Variants in LINGO2 observed in about 807,000 individuals in gnomAD.
LINGO2 encodes leucine-rich repeat and immunoglobulin-like domain-containing nogo receptor-interacting protein 2.
A neutral mutation model predicts 30.6 loss-of-function variants in LINGO2; 14 were observed. The observed-to-expected ratio is 0.46, with a 90% CI of 0.30 to 0.72. The LOEUF (loss-of-function observed/expected upper bound fraction) is 0.72, where lower values mean the gene tolerates loss of function less well. Ranked by LOEUF, LINGO2 falls within the 30% of genes least tolerant of loss-of-function variation. LINGO2 has a pLI of 0.07. For synonymous variants in LINGO2, 317 were observed against 288.5 expected (o/e 1.10, Z -1.00); for missense variants, 729 against 751.7 (o/e 0.97, Z 0.35).
intron 4 of LINGO2, among the ~76,000 whole-genome samples, chr9:28,237,930 G>A (rs10968404): frequency 0.19 from 29,299 of 151,920 alleles, 3,181 homozygotes; most frequent in East Asian, 0.32. Flanking sequence ...ATAAAGAAAT[G>A]GAAAAGGATA....
chr9:28,586,632 C>T (rs1286146569), intron 1 of LINGO2, among the ~76,000 whole-genome samples: 1 of 151,912 alleles, frequency 6.6e-6, no homozygotes, highest in Non-Finnish European at 1.5e-5. Flanking sequence ...TATATCTGTC[C>T]TTCCAATAGC....
the LINGO2 span, among the ~76,000 whole-genome samples, chr9:28,816,210 G>A: frequency 6.6e-6 from 1 of 152,136 alleles, no homozygotes; most frequent in African/African-American, 2.4e-5. Context: ...TCTTAACACT[G>A]TGGCATTGGA....
chr9:28,242,237 G>A (rs1422809552), intron 4 of LINGO2, among the ~76,000 whole-genome samples: 1 of 152,162 alleles, frequency 6.6e-6, no homozygotes, highest in African/African-American at 2.4e-5. Context: ...CAAAATGTTA[G>A]AGGAGGTGGT....
At chr9:29,091,304 T>C in the LINGO2 span, among the ~76,000 whole-genome samples, 1 of 152,058 alleles carries the variant, frequency 6.6e-6, no homozygotes, top group African/African-American at 2.4e-5. Flanking sequence ...ATGGAAACAC[T>C]GAATCTCCCC....
At chr9:29,057,750 G>A in the LINGO2 span, among the ~76,000 whole-genome samples, 33 of 152,194 alleles carry the variant, frequency 2.2e-4, no homozygotes, top group East Asian at 5.6e-3. Flanking sequence ...GCTTCGGATC[G>A]AAAGCAACTA....
the LINGO2 span, among the ~76,000 whole-genome samples, chr9:28,861,340 T>G: frequency 7.6e-6 from 1 of 132,398 alleles, no homozygotes; most frequent in Admixed American, 9.2e-5. Flanking sequence ...TATATATTAT[T>G]AATATATATA....
intron 2 of LINGO2, among the ~76,000 whole-genome samples, chr9:28,390,585 AAG>A (rs1554715379): frequency 6.6e-6 from 1 of 151,732 alleles, no homozygotes; most frequent in African/African-American, 2.4e-5. Flanking sequence ...AAAAAAAAAA[AAG>A]AGAAAACTTC....
intron 4 of LINGO2, among the ~76,000 whole-genome samples, chr9:28,253,054 C>T (rs1822260190): frequency 6.6e-6 from 1 of 151,560 alleles, no homozygotes; most frequent in Non-Finnish European, 1.5e-5. Flanking sequence ...CAAACCTAAA[C>T]TTCCTCATGT....
chr9:27,946,864 G>T (rs961790690), downstream of LINGO2, among the ~76,000 whole-genome samples: 11 of 152,106 alleles, frequency 7.2e-5, no homozygotes, highest in Admixed American at 2.0e-4. Context: ...TATTAGGGGA[G>T]AAATGGGTTT....
intron 4 of LINGO2, among the ~76,000 whole-genome samples, chr9:28,223,811 C>T (rs1468981736): frequency 1.3e-5 from 2 of 152,082 alleles, no homozygotes; most frequent in Admixed American, 6.5e-5. Context: ...TATGGCCATG[C>T]TTTTTAAAAA....
At chr9:28,981,671 G>A in the LINGO2 span, among the ~76,000 whole-genome samples, 572 of 152,212 alleles carry the variant, frequency 3.8e-3, 5 homozygotes, top group African/African-American at 0.013. Context: ...ACTTTGGAAG[G>A]TGCAAGTTCC....
chr9:28,308,877 G>A (rs1230958342), intron 3 of LINGO2, among the ~76,000 whole-genome samples: 7 of 152,120 alleles, frequency 4.6e-5, no homozygotes, highest in Admixed American at 3.3e-4. Flanking sequence ...CAAAACCACA[G>A]TGAGATACCA....
exon 6 of LINGO2, chr9:27,949,797 A>G: frequency 6.2e-7 from 1 of 1,614,142 alleles, no homozygotes; most frequent in Non-Finnish European, 8.5e-7. Flanking sequence ...GTCAGAGAAC[A>G]TGCCTGCTTC....
At chr9:28,214,466 C>T (rs1320214872) in intron 4 of LINGO2, among the ~76,000 whole-genome samples, 1 of 151,682 alleles carries the variant, frequency 6.6e-6, no homozygotes, top group South Asian at 2.1e-4. Context: ...ATTCCATTAT[C>T]TTTAGAGAAA....
At chr9:28,502,636 G>A (rs1274041002) in intron 1 of LINGO2, among the ~76,000 whole-genome samples, 1 of 152,086 alleles carries the variant, frequency 6.6e-6, no homozygotes, top group Non-Finnish European at 1.5e-5. Context: ...ACAGCTCTTT[G>A]AATATTATAG....
the LINGO2 span, among the ~76,000 whole-genome samples, chr9:28,706,818 G>T: frequency 1.3e-5 from 2 of 152,030 alleles, no homozygotes; most frequent in Non-Finnish European, 2.9e-5. Flanking sequence ...TAATCTTTAG[G>T]TTCTCAAACT....
chr9:29,197,298 C>A, the LINGO2 span, among the ~76,000 whole-genome samples: 1 of 151,894 alleles, frequency 6.6e-6, no homozygotes, highest in Non-Finnish European at 1.5e-5. Context: ...CCATTAAAAA[C>A]CTATTCAAAA....
intron 2 of LINGO2, among the ~76,000 whole-genome samples, chr9:28,459,124 G>T (rs1824971316): frequency 6.6e-6 from 1 of 151,626 alleles, no homozygotes; most frequent in Non-Finnish European, 1.5e-5. Context: ...ACATTAATTT[G>T]CAAAAAATAA....
chr9:28,830,980 G>A, the LINGO2 span, among the ~76,000 whole-genome samples: 1 of 152,358 alleles, frequency 6.6e-6, no homozygotes, highest in East Asian at 1.9e-4. Context: ...GAGAAGGGCT[G>A]TGGGCCTAGA....
Sources: gnomAD v4.1 joint callset for allele counts (sites outside exome capture counted in the v4.1 genomes callset) on GRCh38, gnomAD v4.1.1 for gene constraint, MANE v1.5 for transcripts, NCBI Gene and HGNC (gene_info 2026-07-23, HGNC 2026-07-21) for gene names.